Variants in A1CF observed in about 807,000 individuals in gnomAD.
A1CF encodes the protein APOBEC-1 stimulating protein.
In A1CF, 48 loss-of-function variants were observed where a neutral mutation model predicts 68.9. The ratio of observed to expected loss-of-function variants is 0.70; its 90% CI spans 0.55 to 0.89. The LOEUF is 0.89. Among genes scored for constraint, A1CF ranks in the 40% least tolerant of loss-of-function variants. A1CF has a pLI of 0.00. For missense variants in A1CF, 653 were observed against 718.9 expected, an observed-to-expected ratio of 0.91 and a Z score of 1.05; for synonymous variants, 272 against 260.4, an observed-to-expected ratio of 1.04 and a Z score of -0.43.
chr10:50,820,496 A>G, intron 8 of A1CF, 56 bp downstream of exon 8: 1 of 1,499,514 alleles, frequency 6.7e-7, no homozygotes, highest in Non-Finnish European at 9.2e-7. Flanking sequence ...TTTGGATGTA[A>G]TATCCACACC....
intron 1 of A1CF, among the ~76,000 whole-genome samples, chr10:50,872,797 T>C (rs546777342): frequency 3.3e-5 from 5 of 152,158 alleles, no homozygotes; most frequent in African/African-American, 7.2e-5. Flanking sequence ...ATGGTCCAAA[T>C]GGACCCAGCT....
At chr10:50,842,045 G>A in intron 4 of A1CF, 53 bp from the exon 5 acceptor site, 1 of 1,513,938 alleles carries the variant, frequency 6.6e-7, no homozygotes, top group Non-Finnish European at 9.1e-7. Context: ...ACTTCTGAAT[G>A]TATGTGTGCA....
Position 50,802,782 on chromosome 10 carries a change from CA to C in A1CF, c.*3946del, listed in dbSNP as rs1163169560. The C allele has an allele frequency of 6.6e-6, 1 of 152,162 alleles. No individual in the cohort carries two copies. The highest frequency in any genetic ancestry group is 1.5e-5 in the Non-Finnish European group (1 of 68,030). The allele number at this position is 152,162 out of a possible 1,614,324, so 9.4% of individuals were successfully genotyped here. On this transcript the variant is annotated 3_prime_UTR_variant, in exon 13 of 13. Coordinates refer to ENST00000373997, the MANE Select transcript of A1CF (RefSeq NM_014576.4). ...ATTAACTTGATTGCCCTTTATTCTA[CA>C]AATGGCACACCTAAGAACCTCCCTG...
At chr10:50,821,953 A>G (rs188213260) in intron 7 of A1CF, among the ~76,000 whole-genome samples, 2 of 152,330 alleles carry the variant, frequency 1.3e-5, no homozygotes, top group East Asian at 3.9e-4. Context: ...ATACACTCAT[A>G]CAGAAAGTGA....
At position 50,818,636 on chromosome 10, in the gene A1CF, C is replaced by T. The variant is rs970934534; in HGVS notation, c.867+1916G>A. On this transcript the variant is annotated intron_variant, in intron 8 of 12. Coordinates refer to ENST00000373997, the MANE Select transcript of A1CF (RefSeq NM_014576.4). ...ACAAATTGTTTTCCAAGTAATAACACTTTTATGATACTAAATGTGATCATC... is the reference window on the plus strand; with the variant it reads ...ACAAATTGTTTTCCAAGTAATAACATTTTTATGATACTAAATGTGATCATC... Among the ~76,000 whole-genome samples, 18 of 152,236 alleles carry T rather than the reference C, an allele frequency of 1.2e-4. 2 individuals are homozygous for T. The East Asian group carries it at 3.3e-3, about 28-fold the overall frequency.
At chr10:50,877,505 A>G (rs1288155103) in intron 1 of A1CF, among the ~76,000 whole-genome samples, 1 of 152,222 alleles carries the variant, frequency 6.6e-6, no homozygotes, top group Admixed American at 6.5e-5. Context: ...GAAGCTTTAA[A>G]AAATCCATCT....
chr10:50,868,640 C>T (rs1448010605), intron 1 of A1CF, among the ~76,000 whole-genome samples: 1 of 151,948 alleles, frequency 6.6e-6, no homozygotes, highest in Non-Finnish European at 1.5e-5. Context: ...TAAGCCAAGA[C>T]AAGGCTTAAA....
chr10:50,839,743 G>GTTGT (rs527596853), intron 5 of A1CF, among the ~76,000 whole-genome samples: 20 of 152,220 alleles, frequency 1.3e-4, no homozygotes, highest in Admixed American at 3.3e-4. Flanking sequence ...TGGCTAAGGC[G>GTTGT]TTGTTTGTTT....
At chr10:50,873,902 G>A (rs1185721746) in intron 1 of A1CF, among the ~76,000 whole-genome samples, 1 of 152,060 alleles carries the variant, frequency 6.6e-6, no homozygotes, top group Non-Finnish European at 1.5e-5. Flanking sequence ...CACTGTCTTA[G>A]AGTTTATCAG....
intron 8 of A1CF, among the ~76,000 whole-genome samples, chr10:50,817,123 A>G (rs988430589): frequency 3.4e-4 from 51 of 152,078 alleles, no homozygotes; most frequent in Admixed American, 7.2e-4. Context: ...GTGTGCTACT[A>G]ACTTCTATGT....
chr10:50,830,930 C>T (rs1839207637), intron 6 of A1CF, among the ~76,000 whole-genome samples: 1 of 151,952 alleles, frequency 6.6e-6, no homozygotes, highest in Non-Finnish European at 1.5e-5. Flanking sequence ...GCCAATGAAA[C>T]AAAATAGAGT....
chr10:50,864,753 G>A (rs1015476674), intron 1 of A1CF, among the ~76,000 whole-genome samples: 2 of 152,152 alleles, frequency 1.3e-5, no homozygotes, highest in Non-Finnish European at 2.9e-5. Flanking sequence ...CGAGAAGCTG[G>A]GATTACAGGC....
chr10:50,873,571 A>T (rs1359558573), intron 1 of A1CF, among the ~76,000 whole-genome samples: 1 of 152,036 alleles, frequency 6.6e-6, no homozygotes, highest in African/African-American at 2.4e-5. Flanking sequence ...TTTTGGTGAC[A>T]CCCATGGCTA....
chr10:50,845,965 A>C (rs934411298), intron 3 of A1CF, among the ~76,000 whole-genome samples: 6 of 152,098 alleles, frequency 3.9e-5, no homozygotes, highest in South Asian at 4.1e-4. Context: ...AAAAAAAAAA[A>C]AAAACTCCTT....
At chr10:50,823,373 C>G (rs1838766054) in intron 7 of A1CF, 1 of 152,122 alleles carries the variant, frequency 6.6e-6, no homozygotes, top group African/African-American at 2.4e-5. Flanking sequence ...CATTATTACT[C>G]AATCATCCAT....
chr10:50,851,658 G>A (rs560115301), intron 3 of A1CF, among the ~76,000 whole-genome samples: 2 of 152,192 alleles, frequency 1.3e-5, no homozygotes, highest in Non-Finnish European at 2.9e-5. Context: ...ACTTAAAAAG[G>A]TTAGCAGGGC....
chr10:50,821,412 A>G (rs1838666248), intron 7 of A1CF, among the ~76,000 whole-genome samples: 1 of 152,226 alleles, frequency 6.6e-6, no homozygotes, highest in Non-Finnish European at 1.5e-5. Context: ...ACTACTGTTG[A>G]AAGAGCAAAA....
At chr10:50,879,624 A>C (rs1263171666) in intron 1 of A1CF, among the ~76,000 whole-genome samples, 3 of 152,158 alleles carry the variant, frequency 2.0e-5, no homozygotes, top group Admixed American at 6.5e-5. Flanking sequence ...TGTGTACAGA[A>C]GGAAAAGTCA....
intron 6 of A1CF, among the ~76,000 whole-genome samples, chr10:50,833,269 G>A (rs749686826): frequency 1.8e-4 from 27 of 152,270 alleles, no homozygotes; most frequent in African/African-American, 5.5e-4. Context: ...TTGTAAATGC[G>A]AATTACCTGG....
Sources: gnomAD v4.1 joint callset for allele counts (sites outside exome capture counted in the v4.1 genomes callset) on GRCh38, gnomAD v4.1.1 for gene constraint, MANE v1.5 for transcripts, NCBI Gene and HGNC (gene_info 2026-07-23, HGNC 2026-07-21) for gene names.